TRIM3: variants seen among roughly 807,000 people sequenced by gnomAD.
The protein encoded by TRIM3 is tripartite motif-containing protein 3.
In TRIM3, 13 loss-of-function variants were observed where a neutral mutation model predicts 66.6. The ratio of observed to expected loss-of-function variants is 0.20; its 90% CI spans 0.13 to 0.31. The LOEUF (loss-of-function observed/expected upper bound fraction) is 0.31, where lower values mean the gene tolerates loss of function less well. TRIM3 is among the 10% of genes least tolerant of loss of function. TRIM3 has a pLI of 1.00. For missense variants in TRIM3, 711 were observed against 1,020.4 expected (o/e 0.70, Z 4.13); for synonymous variants, 406 against 411.7 (o/e 0.99, Z 0.17).
At chr11:6,470,747 C>T (rs906560938) in intron 1 of TRIM3, among the ~76,000 whole-genome samples, 1 of 152,164 alleles carries the variant, frequency 6.6e-6, no homozygotes, top group Non-Finnish European at 1.5e-5. Flanking sequence ...GATGACATTA[C>T]CCTGAGAGGG....
intron 7 of TRIM3, among the ~76,000 whole-genome samples, chr11:6,454,304 T>C (rs1043329657): frequency 7.3e-5 from 11 of 151,612 alleles, no homozygotes; most frequent in Non-Finnish European, 1.2e-4. Context: ...AGTAGGAGGA[T>C]TGCTTGAGCA....
At chr11:6,460,898 C>CTGTTTT (rs1850204539) in intron 2 of TRIM3, among the ~76,000 whole-genome samples, 1 of 74,252 alleles carries the variant, frequency 1.3e-5, no homozygotes, top group African/African-American at 5.5e-5. Context: ...TTTTTGGTGG[C>CTGTTTT]TTTTTTTTTT....
intron 1 of TRIM3, among the ~76,000 whole-genome samples, chr11:6,469,999 A>C (rs1850618232): frequency 6.6e-6 from 1 of 152,202 alleles, no homozygotes; most frequent in Non-Finnish European, 1.5e-5. Context: ...TAGGCAAAAG[A>C]TATATCATGC....
At chr11:6,453,708 C>G (rs561053378) in intron 7 of TRIM3, among the ~76,000 whole-genome samples, 45 of 152,296 alleles carry the variant, frequency 3.0e-4, no homozygotes, top group African/African-American at 1.1e-3. Context: ...ATATACAAAT[C>G]AAATTATTAA....
In TRIM3 at chr11:6,461,482, C is replaced by T. The variant is rs866473750; in HGVS notation, c.132-3186G>A. On this transcript the variant is annotated intron_variant, in intron 2 of 11. Coordinates refer to ENST00000345851, the MANE Select transcript of TRIM3 (RefSeq NM_033278.4). ...CTCACTCTCTTCTTCCATTACCCCC[C>T]GCACCACTCTGCCATCATTCTCAGT... Among the ~76,000 whole-genome samples, 25 of 147,502 alleles carry T rather than the reference C, an allele frequency of 1.7e-4. No homozygotes were observed. In the South Asian group the frequency reaches 2.4e-3, roughly 14 times the overall value.
At chr11:6,459,321 C>A (rs1381421271) in intron 2 of TRIM3, among the ~76,000 whole-genome samples, 2 of 152,126 alleles carry the variant, frequency 1.3e-5, no homozygotes, top group Non-Finnish European at 2.9e-5. Flanking sequence ...ATCCTGCCAG[C>A]AATAGGAAGC....
At position 6,450,765 on chromosome 11, in the gene TRIM3, C is replaced by T; in HGVS notation, c.1870+127G>A. On this transcript the variant is annotated intron_variant, in intron 9 of 11. Transcript: ENST00000345851. The surrounding 1 kb of genome is among the most constrained non-coding windows in gnomAD (Gnocchi z 4.8). Reference sequence around the variant, plus strand: ...ACAAATTATTTCTGAGATGATAGGGCTAACGTAAGGGAAGTGGGATCTCCA... The same window carrying T: ...ACAAATTATTTCTGAGATGATAGGGTTAACGTAAGGGAAGTGGGATCTCCA... 1 of 1,447,768 alleles carries T rather than the reference C, an allele frequency of 6.9e-7. No homozygotes were observed. The highest frequency in any genetic ancestry group is 9.6e-7 in the Non-Finnish European group (1 of 1,043,914). The allele number at this position is 1,447,768 out of a possible 1,614,324, so 89.7% of individuals were successfully genotyped here.
At chr11:6,466,985 T>C (rs144869958) in intron 1 of TRIM3, among the ~76,000 whole-genome samples, 478 of 152,284 alleles carry the variant, frequency 3.1e-3, no homozygotes, top group South Asian at 0.018. Flanking sequence ...GAGCCTGACA[T>C]AAAGATTGAT....
chr11:6,456,023 C>T lies in TRIM3; in HGVS notation c.1533+49G>A. The T allele has an allele frequency of 6.4e-7, 1 of 1,566,680 alleles. No homozygotes were observed. Among genetic ancestry groups the T allele is most frequent in the South Asian group, 1.1e-5 (1 of 90,038 alleles). ...ATTCTATCTTTTCAGTAGCCTGTAG[C>T]TTGAAAACTCTTATTTTGGTGGTGG... On this transcript the variant is annotated intron_variant, in intron 7 of 11. Transcript: ENST00000345851. This position sits in a 1 kb window ranked among gnomAD's most constrained non-coding sequence, Gnocchi z 6.4.
In TRIM3 at chr11:6,464,986, CAAAAA is replaced by C. The variant is rs544959608; in HGVS notation, c.131+574_131+578del. 4.6e-4 allele frequency among the ~76,000 whole-genome samples: 25 copies of C among 54,176 alleles called. 1 individual carries two copies. The highest frequency in any genetic ancestry group is 6.8e-4 in the Non-Finnish European group (21 of 30,680). The allele number at this position is 54,176 out of a possible 152,430, so 35.5% of individuals were successfully genotyped here. A position where few individuals can be genotyped will look rare whatever the true frequency, so the allele number is the denominator to read the frequency against. On this transcript the variant is annotated intron_variant, in intron 2 of 11. Transcript: ENST00000345851. ...TGGGCAACAGAGCGAGACTCCATCTCAAAAAAAAAAAAAAAAAAAAAAAAAGAGTA... is the reference window on the plus strand; with the variant it reads ...TGGGCAACAGAGCGAGACTCCATCTCAAAAAAAAAAAAAAAAAAAAGAGTA...
chr11:6,453,363 G>T (rs1167096862), intron 7 of TRIM3: 1 of 152,208 alleles, frequency 6.6e-6, no homozygotes, highest in East Asian at 1.9e-4. Context: ...AGCAAAATCT[G>T]CCATTCTTGC....
chr11:6,448,946 C>G lies in TRIM3; in HGVS notation c.*82G>C, dbSNP rs1849609148. 3.8e-6 allele frequency: 6 copies of G among 1,571,230 alleles called. No individual in the cohort carries two copies. In the Admixed American group the frequency reaches 1.0e-4, roughly 27 times the overall value. On this transcript the variant is annotated 3_prime_UTR_variant, in exon 12 of 12. Coordinates refer to ENST00000345851, the MANE Select transcript of TRIM3 (RefSeq NM_033278.4). ...CAGCCCACATTCAGTGCTGCCAGGT[C>G]TGGCCCACCTCCCAGCCAGACCCTC...
Position 6,457,998 on chromosome 11 carries a change from C to A in TRIM3, c.363+67G>T, listed in dbSNP as rs562213162. 2.1e-3 allele frequency: 3,245 copies of A among 1,536,884 alleles called. 13 individuals are homozygous for A. The highest frequency in any genetic ancestry group is 6.6e-3 in the South Asian group (540 of 81,344). ...TACCCTGTCACCCAGCCACTCGGCA[C>A]CCCCCAATGCCTCTCCTCCTCCTCC... On this transcript the variant is annotated intron_variant, in intron 3 of 11. Coordinates refer to ENST00000345851, the MANE Select transcript of TRIM3 (RefSeq NM_033278.4). This position sits in a 1 kb window ranked among gnomAD's most constrained non-coding sequence, Gnocchi z 4.5.
Position 6,457,513 on chromosome 11 carries a change from G to C in TRIM3, c.516-37C>G, listed in dbSNP as rs760181903. 58 of 1,600,762 alleles carry C rather than the reference G, an allele frequency of 3.6e-5. No homozygotes were observed. The highest frequency in any genetic ancestry group is 4.9e-5 in the Non-Finnish European group (57 of 1,172,462). ...ATATCTCATTCCAGAGTTGCTGAGG[G>C]TGGCTTTGCCGAACTTTCCCTTCTC... On this transcript the variant is annotated intron_variant, in intron 4 of 11. Transcript: ENST00000345851. This position sits in a 1 kb window ranked among gnomAD's most constrained non-coding sequence, Gnocchi z 4.5.
Position 6,457,762 on chromosome 11 carries a change from A to G in TRIM3, c.449T>C (p.Leu150Pro). The change falls in exon 4 of 12, where the codon CTG becomes CCG. Residue 150 changes from leucine to proline, a missense_variant. Around this residue, in one of 3 missense-constraint regions of TRIM3, gnomAD observed 149 missense variants for 240.3 expected, o/e 0.62. Coordinates refer to ENST00000345851, the MANE Select transcript of TRIM3 (RefSeq NM_033278.4). The surrounding 1 kb of genome is among the most constrained non-coding windows in gnomAD (Gnocchi z 4.5). Reference protein sequence around the residue: ...AGEHREHGTVLLRDVVEQHKA... With the variant: ...AGEHREHGTVPLRDVVEQHKA... Reference sequence around the variant, plus strand: ...GTGCTGCTCCACCACATCCCTCAGCAGCACTGTGCCATGCTCACGATGCTC... The same window carrying G: ...GTGCTGCTCCACCACATCCCTCAGCGGCACTGTGCCATGCTCACGATGCTC... 5 of 1,614,130 alleles carry G rather than the reference A, an allele frequency of 3.1e-6. No individual in the cohort carries two copies. Among genetic ancestry groups the G allele is most frequent in the Non-Finnish European group, 4.2e-6 (5 of 1,180,014 alleles).
At chr11:6,469,114 C>T (rs1276007991) in intron 1 of TRIM3, among the ~76,000 whole-genome samples, 4 of 152,086 alleles carry the variant, frequency 2.6e-5, no homozygotes, top group Non-Finnish European at 5.9e-5. Flanking sequence ...TGAAGGTTGG[C>T]GGAAGGACCA....
rs777787585 is a variant in TRIM3 at position 6,449,372 on chromosome 11, G to A, written c.2016C>T (p.Pro672=). 3 of 1,614,120 alleles carry A rather than the reference G, an allele frequency of 1.9e-6. No individual in the cohort carries two copies. Among genetic ancestry groups the A allele is most frequent in the Middle Eastern group, 1.7e-4 (1 of 6,060 alleles). ...HGEGNGQFNA[P]TGVAVDSNGN... ...CATTGGAGTCCACAGCTACTCCTGT[G>A]GGGGCATTGAACTGCCCATTGCCCT... Residue 672 remains proline, a synonymous_variant, in exon 11 of 12, where the codon CCC becomes CCT. Transcript: ENST00000345851. This position sits in a 1 kb window ranked among gnomAD's most constrained non-coding sequence, Gnocchi z 5.3.
In TRIM3 at chr11:6,448,951, C is replaced by A; in HGVS notation, c.*77G>T. On this transcript the variant is annotated 3_prime_UTR_variant, in exon 12 of 12. Transcript: ENST00000345851. ...CACATTCAGTGCTGCCAGGTCTGGC[C>A]CACCTCCCAGCCAGACCCTCTTGTC... The A allele has an allele frequency of 6.4e-7, 1 of 1,572,844 alleles. No individual in the cohort carries two copies.
Position 6,456,209 on chromosome 11 carries a change from T to C in TRIM3, c.1430-34A>G. ...AGGGACAGGAGGGAAAACAAAATAA[T>C]TCATTCAGAGGTCATCTTGAACCTC... On this transcript the variant is annotated intron_variant, in intron 6 of 11. Coordinates refer to ENST00000345851, the MANE Select transcript of TRIM3 (RefSeq NM_033278.4). This position sits in a 1 kb window ranked among gnomAD's most constrained non-coding sequence, Gnocchi z 6.4. The C allele has an allele frequency of 1.9e-6, 3 of 1,612,604 alleles. No homozygotes were observed. The highest frequency in any genetic ancestry group is 1.7e-6 in the Non-Finnish European group (2 of 1,178,920).
Sources: allele counts gnomAD v4.1 joint callset (sites outside exome capture counted in the v4.1 genomes callset), GRCh38; gene constraint gnomAD v4.1.1; regional missense constraint gnomAD v4.1.1; non-coding constraint Gnocchi (gnomAD v3.1); transcripts MANE v1.5; gene names NCBI Gene and HGNC (gene_info 2026-07-23, HGNC 2026-07-21).